SCGN: variants seen among roughly 807,000 people sequenced by gnomAD.
SCGN encodes secretagogin, EF-hand calcium binding protein.
SCGN carries 30 observed loss-of-function variants against 39.7 expected under a neutral mutation model. The observed-to-expected ratio is 0.76, with a 90% confidence interval of 0.57 to 1.03. The LOEUF is 1.03. SCGN is among the 50% of genes least tolerant of loss of function. The pLI, the probability that SCGN is intolerant of heterozygous loss-of-function variation, is 0.00. For missense variants in SCGN, 353 were observed against 349.4 expected, an observed-to-expected ratio of 1.01 and a Z score of -0.08; for synonymous variants, 106 against 114.1, an observed-to-expected ratio of 0.93 and a Z score of 0.45.
intron 10 of SCGN, among the ~76,000 whole-genome samples, chr6:25,700,850 G>A (rs1561772318): frequency 1.3e-5 from 2 of 152,230 alleles, no homozygotes; most frequent in East Asian, 3.9e-4. Flanking sequence ...ATAATGAAAT[G>A]TGTCTTCTCT....
At chr6:25,687,034 T>A (rs924579576) in intron 7 of SCGN, among the ~76,000 whole-genome samples, 1 of 152,182 alleles carries the variant, frequency 6.6e-6, no homozygotes, top group Admixed American at 6.5e-5. Context: ...TCAATTCTAT[T>A]CCATTTATCT....
intron 10 of SCGN, among the ~76,000 whole-genome samples, chr6:25,693,439 G>A (rs1303993583): frequency 8.9e-5 from 10 of 112,044 alleles, no homozygotes; most frequent in East Asian, 2.6e-4. Flanking sequence ...GCAACAGAGC[G>A]AGACTCCGTC....
intron 4 of SCGN, among the ~76,000 whole-genome samples, chr6:25,669,297 G>A (rs2876691): frequency 0.14 from 21,471 of 152,006 alleles, 1,559 homozygotes; most frequent in Non-Finnish European, 0.16. Flanking sequence ...AAACCATTGT[G>A]GCCCTCCTTA....
chr6:25,679,494 GT>G (rs1759608382), intron 6 of SCGN, among the ~76,000 whole-genome samples: 1 of 152,170 alleles, frequency 6.6e-6, no homozygotes, highest in Non-Finnish European at 1.5e-5. Context: ...GTGTGTGTGT[GT>G]GCAGGGGATT....
intron 10 of SCGN, among the ~76,000 whole-genome samples, chr6:25,695,631 GTGATTCTCCT>G (rs1473568265): frequency 3.3e-5 from 5 of 152,184 alleles, no homozygotes; most frequent in Non-Finnish European, 7.3e-5. Context: ...CTGGGTTCAT[GTGATTCTCCT>G]GCCTCAGCCT....
intron 4 of SCGN, among the ~76,000 whole-genome samples, chr6:25,666,253 G>T (rs1162148949): frequency 6.6e-6 from 1 of 151,870 alleles, no homozygotes; most frequent in Non-Finnish European, 1.5e-5. Flanking sequence ...CTACTCGGGA[G>T]GCGTAGGGTG....
At chr6:25,665,526 T>C (rs566530648) in intron 4 of SCGN, among the ~76,000 whole-genome samples, 1 of 152,276 alleles carries the variant, frequency 6.6e-6, no homozygotes, top group African/African-American at 2.4e-5. Context: ...TTTATAACCA[T>C]GGGAGAGTAA....
At position 25,669,451 on chromosome 6, in the gene SCGN, C is replaced by G. The variant is rs559553503; in HGVS notation, c.337-60C>G. 27 of 1,367,470 alleles carry G rather than the reference C, an allele frequency of 2.0e-5. No homozygotes were observed. The South Asian group carries it at 2.9e-4, about 15-fold the overall frequency. 84.7% of individuals were successfully genotyped at this position (1,367,470 alleles called of 1,614,324 possible). A position where few individuals can be genotyped will look rare whatever the true frequency, so the allele number is the denominator to read the frequency against. On this transcript the variant is annotated intron_variant, in intron 4 of 10. Transcript: ENST00000377961. ...TTCAGATGCTGAACTGTAGTAGATA[C>G]CACATAATTATTCCAAGTTATCTGA...
chr6:25,674,019 C>G (rs1443076810), intron 6 of SCGN, among the ~76,000 whole-genome samples: 1 of 152,068 alleles, frequency 6.6e-6, no homozygotes, highest in African/African-American at 2.4e-5. Context: ...TTTTAAACAA[C>G]CAGATGTTGG....
In SCGN at chr6:25,652,496, C is replaced by T. The variant is rs753348607; in HGVS notation, c.82+11C>T. The T allele has an allele frequency of 2.5e-6, 4 of 1,612,414 alleles. No homozygotes were observed. Among genetic ancestry groups the T allele is most frequent in the South Asian group, 1.1e-5 (1 of 91,050 alleles). On this transcript the variant is annotated intron_variant, in intron 1 of 10. Coordinates refer to ENST00000377961, the MANE Select transcript of SCGN (RefSeq NM_006998.4). The stretch of plus-strand genomic sequence containing the variant: ...GCTTTGATGCGGATGGTGAGTAGAA[C>T]AAGCCACTTGCACACTCAGGTGTAG...
At position 25,701,227 on chromosome 6, in the gene SCGN, C is replaced by A; in HGVS notation, c.723C>A (p.Asp241Glu). The change falls in exon 11 of 11, where the codon GAC (aspartate) becomes GAA (glutamate). Residue 241 changes from aspartate to glutamate, a missense_variant. Coordinates refer to ENST00000377961, the MANE Select transcript of SCGN (RefSeq NM_006998.4). ...ELVQPSISGV[D>E]LDKFREILLR... Reference sequence around the variant, plus strand: ...CTCAGCCCAGCATCAGCGGGGTGGACCTTGATAAGTTCCGCGAGATTCTCC... The same window carrying A: ...CTCAGCCCAGCATCAGCGGGGTGGAACTTGATAAGTTCCGCGAGATTCTCC... The A allele has an allele frequency of 6.2e-7, 1 of 1,612,570 alleles. No individual in the cohort carries two copies. Among genetic ancestry groups the A allele is most frequent in the South Asian group, 1.1e-5 (1 of 90,652 alleles).
Position 25,653,501 on chromosome 6 carries a change from G to A in SCGN, c.153+49G>A, listed in dbSNP as rs368064909. 299 of 1,326,210 alleles carry A rather than the reference G, an allele frequency of 2.3e-4. No individual in the cohort carries two copies. The South Asian group carries it at 2.9e-3, about 13-fold the overall frequency. 82.2% of individuals were successfully genotyped at this position (1,326,210 alleles called of 1,614,324 possible). The stretch of plus-strand genomic sequence containing the variant: ...TAATTTATGCCTCTTAGTAAGATAC[G>A]CACATCCAAGTCTTATATTGATTGG... On this transcript the variant is annotated intron_variant, in intron 2 of 10. Coordinates refer to ENST00000377961, the MANE Select transcript of SCGN (RefSeq NM_006998.4).
intron 9 of SCGN, among the ~76,000 whole-genome samples, chr6:25,689,971 A>G (rs1420176804): frequency 2.6e-5 from 4 of 152,224 alleles, no homozygotes; most frequent in Non-Finnish European, 2.9e-5. Context: ...TTATAAGTAC[A>G]AAGTATGGCA....
At chr6:25,663,963 A>C (rs899957872) in intron 3 of SCGN, among the ~76,000 whole-genome samples, 1 of 152,208 alleles carries the variant, frequency 6.6e-6, no homozygotes, top group African/African-American at 2.4e-5. Flanking sequence ...ACACTGAGCA[A>C]ACTACTCAGT....
chr6:25,684,651 T>C (rs917334706), intron 7 of SCGN, among the ~76,000 whole-genome samples: 5 of 151,786 alleles, frequency 3.3e-5, no homozygotes, highest in African/African-American at 1.2e-4. Flanking sequence ...AAAAATAAAA[T>C]AAAATAAAAT....
intron 7 of SCGN, among the ~76,000 whole-genome samples, chr6:25,686,684 A>G (rs960868697): frequency 2.6e-5 from 4 of 152,150 alleles, no homozygotes; most frequent in Non-Finnish European, 5.9e-5. Context: ...TTTGAAGCAC[A>G]AATGTTTTTA....
intron 8 of SCGN, 51 bp from the exon 9 acceptor site, chr6:25,689,422 C>T (rs1283399249): frequency 6.5e-7 from 1 of 1,536,064 alleles, no homozygotes; most frequent in Admixed American, 1.7e-5. Context: ...AAGAATTGTA[C>T]AGCTGAATTG....
At chr6:25,658,520 T>C (rs902798581) in intron 2 of SCGN, among the ~76,000 whole-genome samples, 5 of 152,192 alleles carry the variant, frequency 3.3e-5, no homozygotes, top group African/African-American at 4.8e-5. Flanking sequence ...ATGGCTAGGA[T>C]GCACAGATCC....
At chr6:25,665,405 A>C (rs1236113370) in intron 4 of SCGN, among the ~76,000 whole-genome samples, 1 of 152,206 alleles carries the variant, frequency 6.6e-6, no homozygotes, top group Non-Finnish European at 1.5e-5. Context: ...TGAGAATGCT[A>C]TCTAGGAATC....
Sources: allele counts gnomAD v4.1 joint callset (sites outside exome capture counted in the v4.1 genomes callset), GRCh38; gene constraint gnomAD v4.1.1; transcripts MANE v1.5; gene names NCBI Gene and HGNC (gene_info 2026-07-23, HGNC 2026-07-21).